The following ATL1 variants were observed in gnomAD, a reference collection of about 807,000 sequenced individuals.
The protein encoded by ATL1 is atlastin-1.
ATL1 carries 31 observed loss-of-function variants against 75.5 expected under a neutral mutation model. That is an observed-to-expected ratio of 0.41 (90% CI 0.31 to 0.55). The LOEUF is 0.55. Ranked by LOEUF, ATL1 falls within the 20% of genes least tolerant of loss-of-function variation. The pLI is 0.27. For synonymous variants in ATL1, 226 were observed against 233.3 expected (o/e 0.97, Z 0.28); for missense variants, 405 against 662.6 (o/e 0.61, Z 4.27).
chr14:50,609,042 G>A (rs763295206), intron 6 of ATL1, among the ~76,000 whole-genome samples: 7 of 151,888 alleles, frequency 4.6e-5, no homozygotes, highest in African/African-American at 9.7e-5. Flanking sequence ...ATAATCGCAC[G>A]CCACTTAGAA....
intron 5 of ATL1, among the ~76,000 whole-genome samples, chr14:50,594,733 G>T (rs547043277): frequency 6.6e-6 from 1 of 152,278 alleles, no homozygotes; most frequent in African/African-American, 2.4e-5. Context: ...AGTGGCTTAC[G>T]CCTGTAATCC....
chr14:50,629,909 A>C, intron 12 of ATL1, 86 bp from the exon 13 acceptor site: 1 of 1,058,598 alleles, frequency 9.4e-7, no homozygotes, highest in Non-Finnish European at 1.4e-6. Context: ...TCACAAATTA[A>C]TATTGTAAGC....
At chr14:50,558,997 A>T (rs1362939592), upstream of ATL1, 1 of 152,204 alleles carries the variant, frequency 6.6e-6, no homozygotes, top group East Asian at 1.9e-4. Flanking sequence ...AGATATGTTG[A>T]TGTTCAAATG....
intron 6 of ATL1, among the ~76,000 whole-genome samples, chr14:50,610,635 C>G (rs1281127005): frequency 6.6e-6 from 1 of 152,004 alleles, no homozygotes; most frequent in African/African-American, 2.4e-5. Flanking sequence ...GAGTACAGAG[C>G]AGAGTGTAAA....
At chr14:50,567,424 A>G (rs907491060) in intron 1 of ATL1, among the ~76,000 whole-genome samples, 3 of 152,184 alleles carry the variant, frequency 2.0e-5, no homozygotes, top group Non-Finnish European at 4.4e-5. Context: ...TTCTATGAAC[A>G]TGGTGTACAA....
At chr14:50,560,765 G>A (rs949214341) in intron 1 of ATL1, among the ~76,000 whole-genome samples, 16 of 152,214 alleles carry the variant, frequency 1.1e-4, no homozygotes, top group African/African-American at 3.9e-4. Flanking sequence ...GGCTCTGCAG[G>A]GCGCGGGCTC....
intron 1 of ATL1, among the ~76,000 whole-genome samples, chr14:50,550,988 G>T (rs1263686843): frequency 6.6e-6 from 1 of 151,126 alleles, no homozygotes; most frequent in Non-Finnish European, 1.5e-5. Flanking sequence ...AGAGAAACAA[G>T]AACCAAACCC....
rs183265411 is a variant in ATL1, at chr14:50,564,362, G to A, written c.34+4063G>A. ...AAACTGCTTTAGAAAAATAGTATTC[G>A]CACTAGGCTGGGCGTGGTGGCTCAT... On this transcript the variant is annotated intron_variant, in intron 1 of 13. Transcript: ENST00000358385. Among the ~76,000 whole-genome samples the A allele has an allele frequency of 5.7e-4, 87 of 152,028 alleles. 1 individual carries two copies. The highest frequency in any genetic ancestry group is 3.9e-4 in the African/African-American group (16 of 41,460).
chr14:50,593,854 C>T lies in ATL1; in HGVS notation c.531C>T (p.Asn177=), dbSNP rs1458927844. The part of the protein sequence containing the change: ...STMISSIQVY[N]LSQNVQEDDL... Reference sequence around the variant, plus strand: ...TTTATTTCTTTATCAAGGTATATAACTTATCCCAAAATGTCCAGGAGGATG... The same window carrying T: ...TTTATTTCTTTATCAAGGTATATAATTTATCCCAAAATGTCCAGGAGGATG... The change falls in exon 5 of 14, where the codon AAC becomes AAT. Residue 177 remains asparagine, a synonymous_variant. Coordinates refer to ENST00000358385, the MANE Select transcript of ATL1 (RefSeq NM_015915.5). The T allele has an allele frequency of 6.2e-7, 1 of 1,601,846 alleles. No individual in the cohort carries two copies. The highest frequency in any genetic ancestry group is 1.3e-5 in the African/African-American group (1 of 74,784).
At chr14:50,611,280 A>T (rs1031579305) in intron 6 of ATL1, among the ~76,000 whole-genome samples, 1 of 152,144 alleles carries the variant, frequency 6.6e-6, no homozygotes, top group Non-Finnish European at 1.5e-5. Context: ...ATTGGATTTC[A>T]TTACTTACAA....
In ATL1 at chr14:50,613,298, G is replaced by A. The variant is rs976793999; in HGVS notation, c.670G>A (p.Glu224Lys). ...TGTTCGAGACTGGAGTTTCCCATAC[G>A]AATTTTCATATGGAGCCGATGGTGG... Reference protein sequence around the residue: ...FLVRDWSFPYEFSYGADGGAK... With the variant: ...FLVRDWSFPYKFSYGADGGAK... The change falls in exon 7 of 14, where the codon GAA becomes AAA. Residue 224 changes from glutamate (E) to lysine (K), a missense_variant. Glu to Lys is a moderately conservative substitution (Grantham distance 56, BLOSUM62 1). Around this residue, in one of 5 missense-constraint regions of ATL1, gnomAD observed 59 missense variants for 161.4 expected, o/e 0.37. Coordinates refer to ENST00000358385, the MANE Select transcript of ATL1 (RefSeq NM_015915.5). 2 of 1,613,060 alleles carry A rather than the reference G, an allele frequency of 1.2e-6. No individual in the cohort carries two copies. Among genetic ancestry groups the A allele is most frequent in the African/African-American group, 1.3e-5 (1 of 74,824 alleles).
At chr14:50,607,404 G>A (rs1172223908) in intron 6 of ATL1, among the ~76,000 whole-genome samples, 2 of 152,046 alleles carry the variant, frequency 1.3e-5, no homozygotes, top group Admixed American at 1.3e-4. Context: ...AGTTTTGTGG[G>A]TTATGGAAGC....
chr14:50,545,562 C>A (rs553870710), intron 1 of ATL1, among the ~76,000 whole-genome samples: 3 of 152,212 alleles, frequency 2.0e-5, no homozygotes, highest in South Asian at 4.2e-4. Context: ...GTGCAAGGAC[C>A]TAAGATGTTA....
At position 50,560,255 on chromosome 14, in the gene ATL1, C is replaced by T. The variant is rs368495971; in HGVS notation, c.-11C>T. On this transcript the variant is annotated 5_prime_UTR_variant, in exon 1 of 14. Coordinates refer to ENST00000358385, the MANE Select transcript of ATL1 (RefSeq NM_015915.5). The stretch of plus-strand genomic sequence containing the variant: ...TGACAGCGCCTCACCGCCACCAGCT[C>T]CTGGACCACCATGGCCAAGAACCGC... 9.9e-6 allele frequency: 16 copies of T among 1,613,920 alleles called. No homozygotes were observed. Among genetic ancestry groups the T allele is most frequent in the Non-Finnish European group, 1.2e-5 (14 of 1,179,864 alleles).
rs1366172345 is a variant in ATL1 at position 50,560,318 on chromosome 14, C to T, written c.34+19C>T. 1 of 1,613,386 alleles carries T rather than the reference C, an allele frequency of 6.2e-7. No homozygotes were observed. Among genetic ancestry groups the T allele is most frequent in the Admixed American group, 1.7e-5 (1 of 59,924 alleles). ...AGTTGGGGTGAGTAGCAAATGAGAA[C>T]TTCTGCAGCCTGCACGGGGTCTTCT... is the stretch of plus-strand genomic sequence containing the variant. On this transcript the variant is annotated intron_variant, in intron 1 of 13. Coordinates refer to ENST00000358385, the MANE Select transcript of ATL1 (RefSeq NM_015915.5).
intron 1 of ATL1, among the ~76,000 whole-genome samples, chr14:50,536,580 G>A (rs1179575735): frequency 1.3e-5 from 2 of 152,198 alleles, no homozygotes; most frequent in Non-Finnish European, 2.9e-5. Flanking sequence ...AGGAAAATGT[G>A]GGAAAGTTTG....
intron 1 of ATL1, among the ~76,000 whole-genome samples, chr14:50,565,931 A>T (rs1200940893): frequency 2.6e-5 from 4 of 152,226 alleles, no homozygotes; most frequent in Non-Finnish European, 5.9e-5. Flanking sequence ...CCAAAGAAAT[A>T]GAACATTATC....
At chr14:50,544,025 A>G (rs1412449006) in intron 1 of ATL1, among the ~76,000 whole-genome samples, 2 of 152,244 alleles carry the variant, frequency 1.3e-5, no homozygotes, top group Admixed American at 1.3e-4. Flanking sequence ...GATTGATTCT[A>G]ACTACCATGG....
chr14:50,628,508 T>A, intron 12 of ATL1, 46 bp downstream of exon 12: 1 of 1,571,378 alleles, frequency 6.4e-7, no homozygotes, highest in Non-Finnish European at 8.7e-7. Context: ...CACATTTGAA[T>A]GTCATCCATG....
Sources: allele counts gnomAD v4.1 joint callset (sites outside exome capture counted in the v4.1 genomes callset), GRCh38; gene constraint gnomAD v4.1.1; regional missense constraint gnomAD v4.1.1; transcripts MANE v1.5; gene names NCBI Gene and HGNC (gene_info 2026-07-23, HGNC 2026-07-21).